The following PAPPA variants were observed in gnomAD, a reference collection of about 807,000 sequenced individuals.
PAPPA encodes pappalysin 1.
PAPPA carries 60 observed loss-of-function variants against 164.0 expected under a neutral mutation model. That is an observed-to-expected ratio of 0.37 (90% confidence interval 0.30 to 0.45). PAPPA has a LOEUF of 0.45. Among genes scored for constraint, PAPPA ranks in the 20% least tolerant of loss-of-function variants. The probability of loss-of-function intolerance (pLI) is 1.00; values close to 1 mark genes in which losing one functional copy is unlikely to be tolerated. For missense variants in PAPPA, 1,782 were observed against 2,087.3 expected, an observed-to-expected ratio of 0.85 and a Z score of 2.85; for synonymous variants, 875 against 814.1, an observed-to-expected ratio of 1.07 and a Z score of -1.27.
chr9:116,192,680 C>G (rs922881204), intron 2 of PAPPA, among the ~76,000 whole-genome samples: 1 of 152,200 alleles, frequency 6.6e-6, no homozygotes, highest in Non-Finnish European at 1.5e-5. Context: ...TTCTATGAGA[C>G]TAGCCAGTTA....
chr9:116,312,195 C>T (rs1013953905), intron 10 of PAPPA, among the ~76,000 whole-genome samples: 22 of 152,128 alleles, frequency 1.4e-4, no homozygotes, highest in Admixed American at 1.3e-4. Flanking sequence ...AGCTTCAGGA[C>T]CAGAAACCTT....
chr9:116,387,242 A>C (rs1197126596), intron 21 of PAPPA, among the ~76,000 whole-genome samples: 2 of 152,192 alleles, frequency 1.3e-5, no homozygotes, highest in African/African-American at 2.4e-5. Flanking sequence ...GGTTGAGGGA[A>C]ATGGAATAAT....
rs150658273 is a variant in PAPPA, at chr9:116,334,946, G to A, written c.3483G>A (p.Ala1161=). Residue 1161 remains alanine (A), a synonymous_variant, in exon 13 of 22, where the codon GCG becomes GCA. Transcript: ENST00000328252. ...DLSQPFYHSQ[A]VRVSFSSPLV... is the part of the protein sequence containing the mutation. The stretch of plus-strand genomic sequence containing the variant: ...GCCAGCCCTTCTACCACAGCCAGGC[G>A]GTACGTGTGAGCTTCAGTTCGCCCC... 1.8e-5 allele frequency: 29 copies of A among 1,613,576 alleles called. 2 individuals carry two copies. The highest frequency in any genetic ancestry group is 1.5e-4 in the South Asian group (14 of 91,048).
chr9:116,323,810 A>G (rs975561809), intron 10 of PAPPA, among the ~76,000 whole-genome samples: 8 of 152,232 alleles, frequency 5.3e-5, no homozygotes, highest in African/African-American at 1.9e-4. Flanking sequence ...GAAGCTGGAA[A>G]TCAAAAGCTG....
chr9:116,266,004 A>G lies in PAPPA; in HGVS notation c.2861+19A>G, dbSNP rs748929463. On this transcript the variant is annotated intron_variant, in intron 8 of 21. Transcript: ENST00000328252. ...TACAAAAGTAAGTAGATCTAATTAA[A>G]GAAAGAAGAGGAGGGATGCTGGTTA... The G allele has an allele frequency of 1.9e-6, 3 of 1,589,100 alleles. No homozygotes were observed. The highest frequency in any genetic ancestry group is 1.7e-4 in the Middle Eastern group (1 of 5,956).
intron 19 of PAPPA, among the ~76,000 whole-genome samples, chr9:116,375,079 G>C (rs902563575): frequency 6.6e-6 from 1 of 152,180 alleles, no homozygotes; most frequent in Non-Finnish European, 1.5e-5. Context: ...CATTTTCACA[G>C]CATTTATATG....
chr9:116,160,445 G>A (rs1843653038), intron 1 of PAPPA, among the ~76,000 whole-genome samples: 1 of 152,336 alleles, frequency 6.6e-6, no homozygotes, highest in East Asian at 1.9e-4. Flanking sequence ...AGAAAGGGAA[G>A]CTCAGCTCTA....
intron 2 of PAPPA, among the ~76,000 whole-genome samples, chr9:116,190,352 C>T (rs1470805262): frequency 1.3e-5 from 2 of 152,198 alleles, no homozygotes; most frequent in Non-Finnish European, 2.9e-5. Context: ...CTCATTCATT[C>T]ATGCAACAAA....
intron 21 of PAPPA, among the ~76,000 whole-genome samples, chr9:116,394,434 A>G (rs1218616513): frequency 2.0e-5 from 3 of 152,208 alleles, no homozygotes; most frequent in African/African-American, 7.2e-5. Context: ...TCCCAAAATC[A>G]TTCAACGAGT....
At chr9:116,218,446 G>T (rs553735166) in intron 4 of PAPPA, among the ~76,000 whole-genome samples, 13 of 152,306 alleles carry the variant, frequency 8.5e-5, no homozygotes, top group Non-Finnish European at 1.9e-4. Flanking sequence ...CAGGCTCCCT[G>T]ACCAGGTGGA....
chr9:116,285,416 C>G (rs1332193877), intron 9 of PAPPA, among the ~76,000 whole-genome samples: 1 of 151,970 alleles, frequency 6.6e-6, no homozygotes, highest in Non-Finnish European at 1.5e-5. Flanking sequence ...TCCTGCCCAC[C>G]TCGGCCAGGA....
chr9:116,262,805 A>C (rs1845018542), intron 7 of PAPPA, among the ~76,000 whole-genome samples: 1 of 152,206 alleles, frequency 6.6e-6, no homozygotes, highest in South Asian at 2.1e-4. Flanking sequence ...CAACTTGACA[A>C]AAATGTCCTA....
chr9:116,215,597 G>A (rs1347916459), intron 4 of PAPPA, among the ~76,000 whole-genome samples: 3 of 152,140 alleles, frequency 2.0e-5, no homozygotes, highest in African/African-American at 7.2e-5. Flanking sequence ...ATTGAAGTGT[G>A]GAGAGTGGTA....
At chr9:116,249,662 G>A (rs556034608) in intron 7 of PAPPA, among the ~76,000 whole-genome samples, 23 of 152,264 alleles carry the variant, frequency 1.5e-4, no homozygotes, top group African/African-American at 5.3e-4. Flanking sequence ...TGGAAATGCA[G>A]AGCACCGGGT....
chr9:116,387,466 T>C (rs1307509642), intron 21 of PAPPA, among the ~76,000 whole-genome samples: 4 of 152,174 alleles, frequency 2.6e-5, no homozygotes, highest in African/African-American at 4.8e-5. Context: ...AACCTCCTAA[T>C]AAGCTCAAAT....
chr9:116,253,367 A>AT (rs200083772), intron 7 of PAPPA, among the ~76,000 whole-genome samples: 2 of 152,168 alleles, frequency 1.3e-5, no homozygotes, highest in African/African-American at 2.4e-5. Flanking sequence ...AGCTTCATAC[A>AT]TTTTTTTAAA....
chr9:116,396,673 A>G lies in PAPPA; in HGVS notation c.*57A>G. On this transcript the variant is annotated 3_prime_UTR_variant, in exon 22 of 22. Coordinates refer to ENST00000328252, the MANE Select transcript of PAPPA (RefSeq NM_002581.5). ...ACGCCAGGACCCACATCCCTTTGGTATTGATTTCACAGTCAGCTGCTCAAC... is the reference window on the plus strand; with the variant it reads ...ACGCCAGGACCCACATCCCTTTGGTGTTGATTTCACAGTCAGCTGCTCAAC... 1 of 760,414 alleles carries G rather than the reference A, an allele frequency of 1.3e-6. No individual in the cohort carries two copies. The highest frequency in any genetic ancestry group is 1.8e-5 in the Admixed American group (1 of 57,098). The allele number at this position is 760,414 out of a possible 1,614,324, so 47.1% of individuals were successfully genotyped here.
At chr9:116,345,859 G>A (rs1846200635) in intron 14 of PAPPA, among the ~76,000 whole-genome samples, 1 of 152,200 alleles carries the variant, frequency 6.6e-6, no homozygotes, top group Non-Finnish European at 1.5e-5. Context: ...AGTGGGACAG[G>A]TTGTCCTGGG....
At chr9:116,255,233 G>T in intron 7 of PAPPA, among the ~76,000 whole-genome samples, 1 of 151,948 alleles carries the variant, frequency 6.6e-6, no homozygotes, top group East Asian at 2.0e-4. Flanking sequence ...CAATGTCTTG[G>T]AAAGATAAAG....
Sources: allele counts gnomAD v4.1 joint callset (sites outside exome capture counted in the v4.1 genomes callset), GRCh38; gene constraint gnomAD v4.1.1; transcripts MANE v1.5; gene names NCBI Gene and HGNC (gene_info 2026-07-23, HGNC 2026-07-21).